Variants in CERKL observed in about 807,000 individuals in gnomAD.
CERKL encodes ceramide kinase-like protein.
Under a neutral mutation model 63.4 loss-of-function variants are expected in CERKL, and 61 were observed. That is an observed-to-expected ratio of 0.96 (90% CI 0.78 to 1.19). CERKL has a LOEUF of 1.19. CERKL is among the 50% of genes most tolerant of loss of function. The pLI is 0.00. For synonymous variants in CERKL, 250 were observed against 230.5 expected, an observed-to-expected ratio of 1.08 and a Z score of -0.77; for missense variants, 675 against 655.5, an observed-to-expected ratio of 1.03 and a Z score of -0.33.
intron 2 of CERKL, among the ~76,000 whole-genome samples, chr2:181,596,014 C>T (rs1435708050): frequency 6.6e-6 from 1 of 152,096 alleles, no homozygotes; most frequent in African/African-American, 2.4e-5. Flanking sequence ...TATTTAACAG[C>T]ATGAAAACAA....
Position 181,537,867 on chromosome 2 carries a change from G to T in CERKL, c.*317C>A. The T allele has an allele frequency of 1.9e-6, 1 of 526,976 alleles. No homozygotes were observed. The highest frequency in any genetic ancestry group is 5.4e-4 in the Middle Eastern group (1 of 1,854). The allele number at this position is 526,976 out of a possible 1,614,324, so 32.6% of individuals were successfully genotyped here. On this transcript the variant is annotated 3_prime_UTR_variant, in exon 13 of 13. Transcript: ENST00000410087. The stretch of plus-strand genomic sequence containing the variant: ...ATTAGGATATCCGTTTGGCCACACA[G>T]CAGGAGGTTAGAGCAATGGAGCATT...
At chr2:181,570,026 T>G (rs1688837579) in intron 3 of CERKL, among the ~76,000 whole-genome samples, 6 of 152,114 alleles carry the variant, frequency 3.9e-5, no homozygotes, top group Admixed American at 3.9e-4. Flanking sequence ...ATATGAATAT[T>G]TTGAAAGTAT....
At position 181,549,698 on chromosome 2, in the gene CERKL, A is replaced by G. The variant is rs768174254; in HGVS notation, c.831T>C (p.Asn277=). The change falls in exon 6 of 13, where the codon AAT becomes AAC. Residue 277 remains asparagine (N), a synonymous_variant. Coordinates refer to ENST00000410087, the MANE Select transcript of CERKL (RefSeq NM_201548.5). The part of the protein sequence containing the change: ...PLGLIPAGST[N]VLAHSLHGVP... ...CTCCATGAAGAGAATGTGCCAATAC[A>G]TTGGTAGATCCTGCCAAAGCAATTT... 2 of 1,611,366 alleles carry G rather than the reference A, an allele frequency of 1.2e-6. No homozygotes were observed. The highest frequency in any genetic ancestry group is 1.7e-6 in the Non-Finnish European group (2 of 1,177,766).
intron 11 of CERKL, among the ~76,000 whole-genome samples, chr2:181,542,029 T>C (rs1036878193): frequency 1.3e-5 from 2 of 152,018 alleles, no homozygotes; most frequent in Non-Finnish European, 2.9e-5. Flanking sequence ...TGAGGGGCAA[T>C]GAGGCCATCC....
intron 2 of CERKL, among the ~76,000 whole-genome samples, chr2:181,579,724 A>G (rs1684417388): frequency 6.6e-6 from 1 of 151,860 alleles, no homozygotes; most frequent in Non-Finnish European, 1.5e-5. Context: ...TATGGTCTCA[A>G]TTTTATATTT....
At chr2:181,602,180 T>C (rs1196098319) in intron 2 of CERKL, among the ~76,000 whole-genome samples, 1 of 152,214 alleles carries the variant, frequency 6.6e-6, no homozygotes. Flanking sequence ...CTTGGTTTTA[T>C]GGCTGAGATA....
chr2:181,538,345 C>T, intron 12 of CERKL, 101 bp from the exon 13 acceptor site: 1 of 689,154 alleles, frequency 1.5e-6, no homozygotes, highest in Admixed American at 2.3e-5. Context: ...AAATTGATAA[C>T]AAACACAGCA....
chr2:181,614,267 A>G (rs1686098586), intron 1 of CERKL, among the ~76,000 whole-genome samples: 1 of 152,240 alleles, frequency 6.6e-6, no homozygotes, highest in South Asian at 2.1e-4. Flanking sequence ...TGATAAGATC[A>G]GCTGAAATCT....
chr2:181,598,043 C>T (rs529281137), intron 2 of CERKL, among the ~76,000 whole-genome samples: 23 of 152,270 alleles, frequency 1.5e-4, no homozygotes, highest in African/African-American at 9.6e-5. Flanking sequence ...CCACCCCACA[C>T]GCTGTTGAAG....
At chr2:181,610,410 G>A (rs1685914562) in intron 1 of CERKL, among the ~76,000 whole-genome samples, 1 of 152,168 alleles carries the variant, frequency 6.6e-6, no homozygotes, top group African/African-American at 2.4e-5. Flanking sequence ...AATTGCTGGA[G>A]AACAAGTTGG....
At chr2:181,639,312 T>TGAAAA (rs879582293) in intron 1 of CERKL, among the ~76,000 whole-genome samples, 1 of 152,122 alleles carries the variant, frequency 6.6e-6, no homozygotes, top group Non-Finnish European at 1.5e-5. Context: ...GGCCATAAAT[T>TGAAAA]GAAAACTGTT....
chr2:181,578,437 C>T (rs1368253756), intron 2 of CERKL, among the ~76,000 whole-genome samples: 2 of 152,044 alleles, frequency 1.3e-5, no homozygotes, highest in Admixed American at 1.3e-4. Flanking sequence ...GTAGCTGGGA[C>T]CACAGGCATA....
chr2:181,557,164 CA>C (rs529601383), intron 5 of CERKL, among the ~76,000 whole-genome samples: 5 of 152,200 alleles, frequency 3.3e-5, no homozygotes, highest in Admixed American at 3.3e-4. Flanking sequence ...GAGTAGATTG[CA>C]AAAATTTTCT....
At chr2:181,628,191 C>T (rs1192388394) in intron 1 of CERKL, among the ~76,000 whole-genome samples, 2 of 152,120 alleles carry the variant, frequency 1.3e-5, no homozygotes, top group Admixed American at 6.6e-5. Context: ...CAAAACGCAA[C>T]ACCATCAACT....
intron 11 of CERKL, among the ~76,000 whole-genome samples, chr2:181,541,243 G>C (rs1432441186): frequency 6.6e-6 from 1 of 152,214 alleles, no homozygotes. Flanking sequence ...ACAGAGGAAA[G>C]ACCACTCACT....
intron 8 of CERKL, chr2:181,548,343 G>C (rs976705454): frequency 1.7e-6 from 1 of 583,476 alleles, no homozygotes; most frequent in Admixed American, 3.2e-5. Context: ...GGGAAGGAAG[G>C]GAGGAAAGAA....
intron 1 of CERKL, among the ~76,000 whole-genome samples, chr2:181,624,486 G>T (rs1051226165): frequency 6.6e-6 from 1 of 152,146 alleles, no homozygotes; most frequent in African/African-American, 2.4e-5. Context: ...AGCGAGCTAT[G>T]ATCACCAGTG....
At chr2:181,548,266 A>ATAAAG in intron 8 of CERKL, 1 of 529,570 alleles carries the variant, frequency 1.9e-6, no homozygotes, top group East Asian at 3.2e-5. Context: ...AGGGAAAAAA[A>ATAAAG]CAAAGGAAAG....
At chr2:181,634,073 T>C (rs1687074348) in intron 1 of CERKL, among the ~76,000 whole-genome samples, 1 of 152,176 alleles carries the variant, frequency 6.6e-6, no homozygotes, top group East Asian at 1.9e-4. Flanking sequence ...GGCACAATCA[T>C]CATGAAAAAG....
Sources: allele counts gnomAD v4.1 joint callset (sites outside exome capture counted in the v4.1 genomes callset), GRCh38; gene constraint gnomAD v4.1.1; transcripts MANE v1.5; gene names NCBI Gene and HGNC (gene_info 2026-07-23, HGNC 2026-07-21).